The following CCDC62 variants were observed in gnomAD, a reference collection of about 807,000 sequenced individuals.
The protein encoded by CCDC62 is coiled-coil domain-containing protein 62.
A neutral mutation model predicts 80.8 loss-of-function variants in CCDC62; 72 were observed. The ratio of observed to expected loss-of-function variants is 0.89; its 90% CI spans 0.74 to 1.08. The LOEUF is 1.08. Ranked by LOEUF, CCDC62 falls within the 50% of genes least tolerant of loss-of-function variation. CCDC62 has a pLI of 0.00. For synonymous variants in CCDC62, 286 were observed against 296.5 expected (o/e 0.96, Z 0.36); for missense variants, 704 against 809.4 (o/e 0.87, Z 1.58).
At chr12:122,801,042 T>C (rs182710693) in intron 8 of CCDC62, 82 bp from the exon 9 acceptor site, 77 of 1,415,490 alleles carry the variant, frequency 5.4e-5, no homozygotes, top group Non-Finnish European at 6.9e-5. Context: ...GATTTAGCTC[T>C]ACTGAGTTTT....
At chr12:122,778,016 T>G (rs1879586998) in intron 2 of CCDC62, among the ~76,000 whole-genome samples, 1 of 152,216 alleles carries the variant, frequency 6.6e-6, no homozygotes, top group South Asian at 2.1e-4. Flanking sequence ...ACTGAAAGAT[T>G]TTAGGCTTTT....
intron 10 of CCDC62, among the ~76,000 whole-genome samples, chr12:122,809,113 T>C (rs1159664607): frequency 1.3e-5 from 2 of 152,264 alleles, no homozygotes; most frequent in Non-Finnish European, 2.9e-5. Flanking sequence ...AGAGACGCTA[T>C]TCTTTATGTC....
rs545034916 is a variant in CCDC62 at position 122,782,172 on chromosome 12, A to C, written c.396+842A>C. ...CAACATAGTGAGACCTCATCTCAACAAAAAACAACAACAGCAAGCAACCAA... is the reference window on the plus strand; with the variant it reads ...CAACATAGTGAGACCTCATCTCAACCAAAAACAACAACAGCAAGCAACCAA... On this transcript the variant is annotated intron_variant, in intron 3 of 12. Transcript: ENST00000253079. Among the ~76,000 whole-genome samples, 7 of 152,282 alleles carry C rather than the reference A, an allele frequency of 4.6e-5. No homozygotes were observed. In the East Asian group the frequency reaches 1.3e-3, roughly 29 times the overall value.
At position 122,826,458 on chromosome 12, in the gene CCDC62, A is replaced by T. The variant is rs777241229; in HGVS notation, c.*77A>T. ...ATGTGGAAGGCAGAAAGCAGACACCAATACTGAATGAATACTTAACCGTAA... is the reference window on the plus strand; with the variant it reads ...ATGTGGAAGGCAGAAAGCAGACACCTATACTGAATGAATACTTAACCGTAA... On this transcript the variant is annotated 3_prime_UTR_variant, in exon 13 of 13. Coordinates refer to ENST00000253079, the MANE Select transcript of CCDC62 (RefSeq NM_201435.5). The T allele has an allele frequency of 1.3e-6, 1 of 779,636 alleles. No individual in the cohort carries two copies. The highest frequency in any genetic ancestry group is 1.7e-5 in the African/African-American group (1 of 59,256). The allele number at this position is 779,636 out of a possible 1,614,324, so 48.3% of individuals were successfully genotyped here. A position where few individuals can be genotyped will look rare whatever the true frequency, so the allele number is the denominator to read the frequency against.
At chr12:122,801,901 A>G in intron 9 of CCDC62, 49 bp downstream of exon 9, 3 of 1,565,448 alleles carry the variant, frequency 1.9e-6, no homozygotes, top group Non-Finnish European at 1.7e-6. Context: ...GCATGCCAGT[A>G]TTTGGAAATA....
At chr12:122,822,356 G>A (rs1182246323) in intron 11 of CCDC62, among the ~76,000 whole-genome samples, 2 of 151,528 alleles carry the variant, frequency 1.3e-5, no homozygotes, top group Non-Finnish European at 1.5e-5. Flanking sequence ...CGCCTGCCTC[G>A]GCCTCCCAAA....
At chr12:122,810,468 A>C (rs2031820722) in intron 10 of CCDC62, among the ~76,000 whole-genome samples, 1 of 152,228 alleles carries the variant, frequency 6.6e-6, no homozygotes, top group Non-Finnish European at 1.5e-5. Flanking sequence ...AACCACAATG[A>C]GATACCATCT....
At chr12:122,814,541 T>C (rs1475810594) in intron 11 of CCDC62, among the ~76,000 whole-genome samples, 1 of 151,288 alleles carries the variant, frequency 6.6e-6, no homozygotes, top group African/African-American at 2.4e-5. Context: ...AGTTTTGCTC[T>C]TGTTGCCCAG....
chr12:122,812,072 C>A (rs1057418650), intron 10 of CCDC62, among the ~76,000 whole-genome samples: 2 of 152,052 alleles, frequency 1.3e-5, no homozygotes, highest in African/African-American at 2.4e-5. Flanking sequence ...GCCTAGGATT[C>A]TTTTATCGCA....
At chr12:122,786,222 G>C (rs372186327) in intron 4 of CCDC62, among the ~76,000 whole-genome samples, 3 of 152,100 alleles carry the variant, frequency 2.0e-5, no homozygotes, top group Non-Finnish European at 1.5e-5. Flanking sequence ...GTCTCAGCTC[G>C]CTGCAAGCTC....
At chr12:122,782,851 T>C (rs573340281) in intron 3 of CCDC62, among the ~76,000 whole-genome samples, 7 of 150,342 alleles carry the variant, frequency 4.7e-5, no homozygotes, top group African/African-American at 1.7e-4. Flanking sequence ...CTCACACCTA[T>C]AATCCCAGCA....
At chr12:122,819,758 C>T (rs977415029) in intron 11 of CCDC62, among the ~76,000 whole-genome samples, 10 of 151,988 alleles carry the variant, frequency 6.6e-5, no homozygotes, top group Non-Finnish European at 1.5e-4. Context: ...TGGCATTCCA[C>T]ATACATAAGG....
intron 8 of CCDC62, among the ~76,000 whole-genome samples, chr12:122,800,164 CTTTTTTTTTTTTT>C (rs59113229): frequency 9.5e-6 from 1 of 104,924 alleles, no homozygotes; most frequent in East Asian, 3.2e-4. Context: ...TGCCCGGCTA[CTTTTTTTTTTTTT>C]TTTTTTTTTT....
intron 1 of CCDC62, 79 bp downstream of exon 1, chr12:122,774,785 G>T (rs1010600409): frequency 9.0e-7 from 1 of 1,111,982 alleles, no homozygotes; most frequent in Admixed American, 4.3e-5. Context: ...CTCAAGAACG[G>T]TGTCTACTTA....
chr12:122,802,081 G>A (rs953637918), intron 9 of CCDC62, among the ~76,000 whole-genome samples: 1 of 152,022 alleles, frequency 6.6e-6, no homozygotes, highest in African/African-American at 2.4e-5. Flanking sequence ...TACTGAGGAC[G>A]GCTTCTGAGG....
chr12:122,783,732 A>T (rs1207247221), intron 3 of CCDC62, among the ~76,000 whole-genome samples: 1 of 152,166 alleles, frequency 6.6e-6, no homozygotes, highest in Non-Finnish European at 1.5e-5. Flanking sequence ...TAACTAATAC[A>T]CTTTATTTAT....
At chr12:122,815,282 T>C (rs979594986) in intron 11 of CCDC62, among the ~76,000 whole-genome samples, 1 of 151,894 alleles carries the variant, frequency 6.6e-6, no homozygotes, top group African/African-American at 2.4e-5. Context: ...TCCCACAATG[T>C]TGCCCAGGCT....
At chr12:122,781,455 G>T in intron 3 of CCDC62, 125 bp downstream of exon 3, 3 of 831,700 alleles carry the variant, frequency 3.6e-6, no homozygotes, top group Non-Finnish European at 5.8e-6. Context: ...GGAGGCCGAG[G>T]CAGGTGGATC....
intron 12 of CCDC62, among the ~76,000 whole-genome samples, chr12:122,825,513 A>ATTTT (rs79790987): frequency 0.031 from 4,068 of 131,344 alleles, 132 homozygotes; most frequent in Non-Finnish European, 0.049. Context: ...TGCCCGGCTA[A>ATTTT]TTTTTTTTTT....
Sources: gnomAD v4.1 joint callset for allele counts (sites outside exome capture counted in the v4.1 genomes callset) on GRCh38, gnomAD v4.1.1 for gene constraint, MANE v1.5 for transcripts, NCBI Gene and HGNC (gene_info 2026-07-23, HGNC 2026-07-21) for gene names.